The following GARS1 variants were observed in gnomAD, a reference collection of about 807,000 sequenced individuals.
GARS1 encodes the protein glycine--tRNA ligase.
Under a neutral mutation model 86.4 loss-of-function variants are expected in GARS1, and 46 were observed. The ratio of observed to expected loss-of-function variants is 0.53; its 90% CI spans 0.42 to 0.68. The LOEUF (loss-of-function observed/expected upper bound fraction) is 0.68. Ranked by LOEUF, GARS1 falls within the 30% of genes least tolerant of loss-of-function variation. The pLI is 0.00. For missense variants in GARS1, 797 were observed against 915.6 expected, an observed-to-expected ratio of 0.87 and a Z score of 1.67; for synonymous variants, 342 against 329.8, an observed-to-expected ratio of 1.04 and a Z score of -0.40.
At chr7:30,603,255 A>C in intron 5 of GARS1, 133 bp downstream of exon 5, 1 of 773,938 alleles carries the variant, frequency 1.3e-6, no homozygotes, top group Admixed American at 2.5e-5. Context: ...TTAAGTATAT[A>C]GATCAAGTCC....
At chr7:30,602,814 C>T (rs746340762) in intron 4 of GARS1, among the ~76,000 whole-genome samples, 1 of 152,164 alleles carries the variant, frequency 6.6e-6, no homozygotes, top group Non-Finnish European at 1.5e-5. Flanking sequence ...TTAATGTCTT[C>T]TTTCTTATGG....
At position 30,614,800 on chromosome 7, in the gene GARS1, C is replaced by T. The variant is rs528083317; in HGVS notation, c.1032-1096C>T. Among the ~76,000 whole-genome samples, 57 of 148,274 alleles carry T rather than the reference C, an allele frequency of 3.8e-4. 1 individual carries two copies. The East Asian group carries it at 9.0e-3, about 23-fold the overall frequency. On this transcript the variant is annotated intron_variant, in intron 8 of 16. Coordinates refer to ENST00000389266, the MANE Select transcript of GARS1 (RefSeq NM_002047.4). ...CTGAGGCAGGAGAATGGCGTGAACCCGGGAGGCGGAGCTTGCAGTGAGCCG... is the reference window on the plus strand; with the variant it reads ...CTGAGGCAGGAGAATGGCGTGAACCTGGGAGGCGGAGCTTGCAGTGAGCCG...
intron 1 of GARS1, 133 bp downstream of exon 1, chr7:30,595,276 T>TCTTCTTCGCCTCCCCCA (rs1019128382): frequency 1.1e-5 from 10 of 905,410 alleles, no homozygotes. Flanking sequence ...TCCTCTGGCG[T>TCTTCTTCGCCTCCCCCA]CTTCTTCGCC....
intron 14 of GARS1, 51 bp from the exon 15 acceptor site, chr7:30,631,397 A>T: frequency 2.2e-6 from 3 of 1,390,540 alleles, no homozygotes; most frequent in Non-Finnish European, 2.0e-6. Flanking sequence ...ATTAGCATTT[A>T]GATATTTACA....
intron 12 of GARS1, among the ~76,000 whole-genome samples, chr7:30,623,520 A>G (rs75091504): frequency 0.045 from 6,814 of 152,284 alleles, 498 homozygotes; most frequent in African/African-American, 0.15. Context: ...AAGAAAGGTC[A>G]TTGAACTTAA....
intron 13 of GARS1, chr7:30,628,343 C>T (rs1783167090): frequency 7.3e-6 from 3 of 412,078 alleles, no homozygotes; most frequent in Non-Finnish European, 1.4e-5. Flanking sequence ...TGCCACCATA[C>T]CCAGTTAATT....
chr7:30,598,833 C>T lies in GARS1; in HGVS notation c.260C>T (p.Pro87Leu), dbSNP rs761378110. 2 of 1,614,068 alleles carry T rather than the reference C, an allele frequency of 1.2e-6. No homozygotes were observed. Among genetic ancestry groups the T allele is most frequent in the South Asian group, 2.2e-5 (2 of 91,072 alleles). ...LVRKLKEDKA[P>L]QVDVDKAVAE... Reference sequence around the variant, plus strand: ...CGAAAACTCAAAGAAGATAAAGCACCCCAAGTAGACGTAGACAAAGCAGTG... The same window carrying T: ...CGAAAACTCAAAGAAGATAAAGCACTCCAAGTAGACGTAGACAAAGCAGTG... The change falls in exon 2 of 17, where the codon CCC becomes CTC. Residue 87 changes from proline to leucine, a missense_variant. By Grantham distance (98) the Pro-to-Leu change is moderately conservative. Transcript: ENST00000389266.
chr7:30,631,415 A>G (rs772144877), intron 14 of GARS1, 33 bp from the exon 15 acceptor site: 13 of 1,504,940 alleles, frequency 8.6e-6, no homozygotes, highest in East Asian at 6.8e-5. Flanking sequence ...ACAAATTAAC[A>G]TATTTGGATT....
intron 12 of GARS1, 25 bp downstream of exon 12, chr7:30,622,487 C>T (rs1276373766): frequency 6.2e-7 from 1 of 1,612,968 alleles, no homozygotes; most frequent in African/African-American, 1.3e-5. Flanking sequence ...GTTTACTCTT[C>T]CATGGGCTCC....
At chr7:30,631,196 T>C in intron 14 of GARS1, 1 of 393,920 alleles carries the variant, frequency 2.5e-6, no homozygotes, top group South Asian at 2.2e-5. Context: ...GAGACCTGCT[T>C]TTTAGGTGGA....
rs1791368083 is a variant in GARS1, at chr7:30,601,138, T to C, written c.507T>C (p.Phe169=). 1 of 1,614,052 alleles carries C rather than the reference T, an allele frequency of 6.2e-7. No homozygotes were observed. Residue 169 remains phenylalanine (F), a synonymous_variant, in exon 4 of 17, where the codon TTT becomes TTC. Transcript: ENST00000389266. ...TTATTCAGACCTGGAGGCAGCACTT[T>C]ATCCAAGAGGAACAGATCCTGGAGA... ...NNIIQTWRQH[F]IQEEQILEID... is the part of the protein sequence containing the mutation.
intron 13 of GARS1, among the ~76,000 whole-genome samples, chr7:30,628,271 G>A (rs1783165641): frequency 1.3e-5 from 2 of 150,950 alleles, no homozygotes; most frequent in Non-Finnish European, 2.9e-5. Context: ...TGCAACCTCC[G>A]CCTCCTGGGT....
chr7:30,602,999 A>C lies in GARS1; in HGVS notation c.570-35A>C, dbSNP rs761901814. On this transcript the variant is annotated intron_variant, in intron 4 of 16. Coordinates refer to ENST00000389266, the MANE Select transcript of GARS1 (RefSeq NM_002047.4). ...GTAATATCTATGTGTAATTTGTATGAGAATGACAAATTGGGTTGGCATTTG... is the reference window on the plus strand; with the variant it reads ...GTAATATCTATGTGTAATTTGTATGCGAATGACAAATTGGGTTGGCATTTG... The C allele has an allele frequency of 1.2e-5, 17 of 1,374,358 alleles. No individual in the cohort carries two copies. In the Admixed American group the frequency reaches 2.3e-4, roughly 19 times the overall value. The allele number at this position is 1,374,358 out of a possible 1,614,324, so 85.1% of individuals were successfully genotyped here.
chr7:30,609,614 G>A lies in GARS1; in HGVS notation c.765G>A (p.Ala255=), dbSNP rs201447520. 128 of 1,612,890 alleles carry A rather than the reference G, an allele frequency of 7.9e-5. No individual in the cohort carries two copies. Among genetic ancestry groups the A allele is most frequent in the Admixed American group, 8.3e-5 (5 of 59,972 alleles). The part of the protein sequence containing the change: ...QLDNYGQQEL[A]DLFVNYNVKS... ...ATAACTATGGACAGCAAGAACTTGC[G>A]GATCTTTTTGTGAACTATAATGTAA... Residue 255 remains alanine (A), a synonymous_variant, in exon 7 of 17, where the codon GCG becomes GCA. Transcript: ENST00000389266.
In GARS1 at chr7:30,617,794, C is replaced by A. The variant is rs111981863; in HGVS notation, c.1359+516C>A. Among the ~76,000 whole-genome samples, 1,068 of 152,300 alleles carry A rather than the reference C, an allele frequency of 7.0e-3. 8 individuals are homozygous for A. The highest frequency in any genetic ancestry group is 0.014 in the Middle Eastern group (4 of 294). On this transcript the variant is annotated intron_variant, in intron 10 of 16. Transcript: ENST00000389266. ...GACGATCTCCAGGTACCCTCCTGCCCCTGTGCCCTGTCACCCCTCCAGCCT... is the reference window on the plus strand; with the variant it reads ...GACGATCTCCAGGTACCCTCCTGCCACTGTGCCCTGTCACCCCTCCAGCCT...
In GARS1 at chr7:30,617,095, T is replaced by C. The variant is rs377525562; in HGVS notation, c.1195-19T>C. The C allele has an allele frequency of 5.6e-6, 9 of 1,613,474 alleles. No homozygotes were observed. Among genetic ancestry groups the C allele is most frequent in the East Asian group, 2.2e-5 (1 of 44,898 alleles). On this transcript the variant is annotated intron_variant, in intron 9 of 16. Coordinates refer to ENST00000389266, the MANE Select transcript of GARS1 (RefSeq NM_002047.4). ...GTGTTTTCTTTTCTTCCTCCATGCT[T>C]GCTTATTGGTTGGTTTAGGGTGTGA... is the stretch of plus-strand genomic sequence containing the variant.
chr7:30,618,897 G>T (rs1025010364), intron 10 of GARS1, among the ~76,000 whole-genome samples: 33 of 152,280 alleles, frequency 2.2e-4, no homozygotes, highest in African/African-American at 7.7e-4. Context: ...TTATTTTTAG[G>T]ATTATGGGTG....
Position 30,631,098 on chromosome 7 carries a change from G to A in GARS1, c.1810-350G>A, listed in dbSNP as rs369944594. On this transcript the variant is annotated intron_variant, in intron 14 of 16. Coordinates refer to ENST00000389266, the MANE Select transcript of GARS1 (RefSeq NM_002047.4). The stretch of plus-strand genomic sequence containing the variant: ...TTTTATGTGGAACCAAAAAATTACC[G>A]TCTTTTATATACAGTAGCTTTCAGA... 1.5e-4 allele frequency: 32 copies of A among 216,228 alleles called. 2 individuals are homozygous for A. In the South Asian group the frequency reaches 2.0e-3, roughly 13 times the overall value. 13.4% of individuals were successfully genotyped at this position (216,228 alleles called of 1,614,324 possible). A position where few individuals can be genotyped will look rare whatever the true frequency, so the allele number is the denominator to read the frequency against.
chr7:30,610,202 C>T (rs1257088239), intron 7 of GARS1, among the ~76,000 whole-genome samples: 1 of 152,210 alleles, frequency 6.6e-6, no homozygotes, highest in Non-Finnish European at 1.5e-5. Context: ...TCTTCTGAGG[C>T]ACTGAATTTT....
Sources: allele counts gnomAD v4.1 joint callset (sites outside exome capture counted in the v4.1 genomes callset), GRCh38; gene constraint gnomAD v4.1.1; transcripts MANE v1.5; gene names NCBI Gene and HGNC (gene_info 2026-07-23, HGNC 2026-07-21).